NFKBID: variants seen among roughly 807,000 people sequenced by gnomAD.
The protein encoded by NFKBID is NFKB inhibitor delta.
In NFKBID, 26 loss-of-function variants were observed where a neutral mutation model predicts 53.4. The ratio of observed to expected loss-of-function variants is 0.49; its 90% confidence interval spans 0.36 to 0.68. The LOEUF (loss-of-function observed/expected upper bound fraction) is 0.68, where lower values mean the gene tolerates loss of function less well. NFKBID is among the 30% of genes least tolerant of loss of function. The pLI is 0.00. For missense variants in NFKBID, 493 were observed against 614.1 expected (o/e 0.80, Z 2.08); for synonymous variants, 262 against 259.8 (o/e 1.01, Z -0.08).
chr19:35,889,780 T>G, intron 11 of NFKBID, 110 bp downstream of exon 11: 1 of 1,186,904 alleles, frequency 8.4e-7, no homozygotes. Flanking sequence ...GAAGTCACCT[T>G]CCGAGATTAG....
chr19:35,890,683 G>A (rs763588078), intron 9 of NFKBID, 193 bp from the exon 10 acceptor site: 4 of 658,656 alleles, frequency 6.1e-6, no homozygotes, highest in Non-Finnish European at 8.4e-6. Flanking sequence ...GGACAACACA[G>A]CAAGACCTCA....
chr19:35,902,294 A>G (rs775406694), upstream of NFKBID: 2 of 711,076 alleles, frequency 2.8e-6, no homozygotes. Context: ...TCATTTAATC[A>G]GCAAATTTTC....
chr19:35,900,089 C>A lies in NFKBID; in HGVS notation c.61+353G>T, dbSNP rs1015682556. On this transcript the variant is annotated intron_variant, in intron 1 of 11. Transcript: ENST00000641389. ...AAGCAACCACGCCCCCCCCCCCCCCCCCCGCACTCAGCCTAGTCCCTGCTT... is the reference window on the plus strand; with the variant it reads ...AAGCAACCACGCCCCCCCCCCCCCCACCCGCACTCAGCCTAGTCCCTGCTT... Among the ~76,000 whole-genome samples the A allele has an allele frequency of 5.4e-4, 44 of 81,686 alleles. 3 individuals carry two copies. The highest frequency in any genetic ancestry group is 2.0e-3 in the African/African-American group (43 of 21,722). The allele number at this position is 81,686 out of a possible 152,430, so 53.6% of individuals were successfully genotyped here.
chr19:35,900,740 G>GAGCA, upstream of NFKBID: 1 of 876,798 alleles, frequency 1.1e-6, no homozygotes, highest in Non-Finnish European at 1.5e-6. Context: ...TCTTTGCTCT[G>GAGCA]AAGGAGCCTA....
intron 4 of NFKBID, 84 bp from the exon 5 acceptor site, chr19:35,897,142 G>A: frequency 7.0e-7 from 1 of 1,427,868 alleles, no homozygotes; most frequent in South Asian, 1.3e-5. Flanking sequence ...AGTCAGCTGA[G>A]AATTCCTCCA....
chr19:35,893,383 CCTTAT>C (rs1395527829), intron 9 of NFKBID, among the ~76,000 whole-genome samples: 3 of 152,156 alleles, frequency 2.0e-5, no homozygotes, highest in Admixed American at 6.6e-5. Flanking sequence ...GCTAATAATG[CCTTAT>C]CTTGTCTCTA....
At chr19:35,898,522 A>T in exon 3 of NFKBID, 1 of 1,532,810 alleles carries the variant, frequency 6.5e-7, no homozygotes, top group Non-Finnish European at 8.7e-7. Context: ...TGGGGGAGGG[A>T]GAAATTGTCC....
At chr19:35,893,314 C>T (rs1162162731) in intron 9 of NFKBID, among the ~76,000 whole-genome samples, 1 of 152,168 alleles carries the variant, frequency 6.6e-6, no homozygotes, top group East Asian at 1.9e-4. Context: ...CAAATGATCA[C>T]TTAGCTCTAC....
At chr19:35,891,935 T>G (rs1257967228) in intron 9 of NFKBID, among the ~76,000 whole-genome samples, 1 of 151,850 alleles carries the variant, frequency 6.6e-6, no homozygotes, top group Non-Finnish European at 1.5e-5. Context: ...CAGGCTGGAG[T>G]GCAGTGGTGT....
At chr19:35,888,819 G>A (rs1217610627) in intron 11 of NFKBID, among the ~76,000 whole-genome samples, 1 of 152,186 alleles carries the variant, frequency 6.6e-6, no homozygotes, top group African/African-American at 2.4e-5. Flanking sequence ...GCTAAGGTGG[G>A]CAAATCACCT....
intron 11 of NFKBID, 102 bp downstream of exon 11, chr19:35,889,788 T>A (rs769510268): frequency 2.4e-6 from 3 of 1,244,168 alleles, no homozygotes; most frequent in Non-Finnish European, 3.4e-6. Context: ...CTTCCGAGAT[T>A]AGAAGTCATT....
chr19:35,900,797 CTTTTCTTTTCTTTTTCTTTT>C (rs1334156712), upstream of NFKBID: 6 of 282,492 alleles, frequency 2.1e-5, no homozygotes, highest in Non-Finnish European at 3.2e-5. Flanking sequence ...GCCTGGATTT[CTTTTCTTTTCTTTTTCTTTT>C]TTTTCTTTTC....
intron 9 of NFKBID, chr19:35,890,773 AG>A (rs1338522565): frequency 2.4e-6 from 1 of 416,996 alleles, no homozygotes; most frequent in African/African-American, 2.0e-5. Flanking sequence ...CTGAGGCAGG[AG>A]GTTCATTTGA....
In NFKBID at chr19:35,896,913, G is replaced by A. The variant is rs559884944; in HGVS notation, c.578C>T (p.Thr193Met). Residue 193 changes from threonine (T) to methionine (M), a missense_variant and splice_region_variant, in exon 5 of 12, where the codon ACG (threonine) becomes ATG (methionine). Thr to Met is a moderately conservative substitution (Grantham distance 81). Transcript: ENST00000641389. This position sits in a 1 kb window ranked among gnomAD's most constrained non-coding sequence, Gnocchi z 5.7. ...AGACAACCCTATCCCTTATACTCACGTGTCCCCCTCCTCATCCTGGGCCAG... is the reference window on the plus strand; with the variant it reads ...AGACAACCCTATCCCTTATACTCACATGTCCCCCTCCTCATCCTGGGCCAG... 6.2e-6 allele frequency: 10 copies of A among 1,608,942 alleles called. No individual in the cohort carries two copies. In the Admixed American group the frequency reaches 6.7e-5, roughly 11 times the overall value.
chr19:35,891,602 C>G (rs1465833638), intron 9 of NFKBID, among the ~76,000 whole-genome samples: 2 of 152,204 alleles, frequency 1.3e-5, no homozygotes, highest in South Asian at 2.1e-4. Context: ...GGCACAGGGG[C>G]TCATGCCTGT....
chr19:35,896,300 A>C lies in NFKBID; in HGVS notation c.832-31T>G, dbSNP rs373134367. 4 of 1,614,006 alleles carry C rather than the reference A, an allele frequency of 2.5e-6. No homozygotes were observed. In the African/African-American group the frequency reaches 5.3e-5, roughly 22 times the overall value. ...AGGAAGAGAAGGCAGACTGCTGGGT[A>C]AGGGTATCCCCTGGCCTCCTGGCCC... On this transcript the variant is annotated intron_variant, in intron 7 of 11. Coordinates refer to ENST00000641389, the Ensembl canonical transcript of NFKBID. The surrounding 1 kb of genome is among the most constrained non-coding windows in gnomAD (Gnocchi z 5.7).
At position 35,896,430 on chromosome 19, in the gene NFKBID, G is replaced by T; in HGVS notation, c.793C>A (p.His265Asn). ...GGGAGCCCGTAGGTAGCGGCCACGT[G>T]CAAGACCGAACGTCCCTGATGGTCA... The change falls in exon 7 of 12, where the codon CAC becomes AAC. Residue 265 changes from histidine to asparagine, a missense_variant. This residue lies in a region of NFKBID where 267 missense variants were observed against 384.6 expected (regional missense o/e 0.69). Transcript: ENST00000641389. This position sits in a 1 kb window ranked among gnomAD's most constrained non-coding sequence, Gnocchi z 5.7. 6.2e-7 allele frequency: 1 copy of T among 1,614,226 alleles called. No individual in the cohort carries two copies. The highest frequency in any genetic ancestry group is 8.5e-7 in the Non-Finnish European group (1 of 1,180,038).
At chr19:35,889,401 G>A (rs758748047) in intron 11 of NFKBID, among the ~76,000 whole-genome samples, 1 of 152,068 alleles carries the variant, frequency 6.6e-6, no homozygotes, top group Non-Finnish European at 1.5e-5. Context: ...AAAGATGTGG[G>A]AAGAAGGTCA....
At chr19:35,895,981 T>C (rs1437960241) in exon 9 of NFKBID, 1 of 1,613,540 alleles carries the variant, frequency 6.2e-7, no homozygotes, top group Non-Finnish European at 8.5e-7. Flanking sequence ...CCCGCTCACC[T>C]GGCTGGTGTG....
Sources: allele counts gnomAD v4.1 joint callset (sites outside exome capture counted in the v4.1 genomes callset), GRCh38; gene constraint gnomAD v4.1.1; regional missense constraint gnomAD v4.1.1; non-coding constraint Gnocchi (gnomAD v3.1); transcripts MANE v1.5; gene names NCBI Gene and HGNC (gene_info 2026-07-23, HGNC 2026-07-21).